GABBR2: variants seen among roughly 807,000 people sequenced by gnomAD.
GABBR2 encodes G-protein coupled receptor 51.
A neutral mutation model predicts 105.6 loss-of-function variants in GABBR2; 23 were observed. The observed-to-expected ratio is 0.22, with a 90% CI of 0.16 to 0.31. The LOEUF (loss-of-function observed/expected upper bound fraction) is 0.31, where lower values mean the gene tolerates loss of function less well. Ranked by LOEUF, GABBR2 falls within the 10% of genes least tolerant of loss-of-function variation. The probability of loss-of-function intolerance (pLI) is 1.00; values close to 1 mark genes in which losing one functional copy is unlikely to be tolerated. For synonymous variants in GABBR2, 478 were observed against 499.7 expected, an observed-to-expected ratio of 0.96 and a Z score of 0.58; for missense variants, 734 against 1,245.5, an observed-to-expected ratio of 0.59 and a Z score of 6.18.
At chr9:98,330,699 C>T (rs1230995548) in intron 13 of GABBR2, among the ~76,000 whole-genome samples, 1 of 152,188 alleles carries the variant, frequency 6.6e-6, no homozygotes. Context: ...GTTTCTTTAC[C>T]TGGAATGTCC....
In GABBR2 at chr9:98,580,155, C is replaced by G. The variant is rs1052631812; in HGVS notation, c.322-2083G>C. The stretch of plus-strand genomic sequence containing the variant: ...CAACCTCCTTCCAGTTCCCTGAAAT[C>G]AAAAGCATTTTCCTTCCCACCTCTG... On this transcript the variant is annotated intron_variant, in intron 1 of 18. Transcript: ENST00000259455. Among the ~76,000 whole-genome samples, 21 of 152,098 alleles carry G rather than the reference C, an allele frequency of 1.4e-4. 1 individual carries two copies. The highest frequency in any genetic ancestry group is 4.4e-5 in the Non-Finnish European group (3 of 68,010).
chr9:98,544,777 A>C (rs549307055), intron 2 of GABBR2, among the ~76,000 whole-genome samples: 1 of 152,210 alleles, frequency 6.6e-6, no homozygotes. Flanking sequence ...TGAAAAAAAG[A>C]ATCAGTGGCT....
chr9:98,290,795 G>A (rs1223019345), intron 18 of GABBR2, 46 bp from the exon 19 acceptor site: 20 of 1,364,378 alleles, frequency 1.5e-5, no homozygotes, highest in African/African-American at 7.7e-5. Context: ...GTAGCTGGGC[G>A]CTTACCAGAA....
intron 1 of GABBR2, among the ~76,000 whole-genome samples, chr9:98,665,781 T>C (rs1830325786): frequency 6.6e-6 from 1 of 152,188 alleles, no homozygotes; most frequent in Non-Finnish European, 1.5e-5. Flanking sequence ...TTGCTGAACG[T>C]CCAACCTGCC....
At position 98,597,131 on chromosome 9, in the gene GABBR2, G is replaced by A. The variant is rs372479405; in HGVS notation, c.322-19059C>T. Among the ~76,000 whole-genome samples, 74 of 152,288 alleles carry A rather than the reference G, an allele frequency of 4.9e-4. 4 individuals carry two copies. The South Asian group carries it at 0.015, about 32-fold the overall frequency. ...GCACTGCATTGTGAACCCAAGTGGTGCAGCTTATCTGAGATCTGCAGGCCC... is the reference window on the plus strand; with the variant it reads ...GCACTGCATTGTGAACCCAAGTGGTACAGCTTATCTGAGATCTGCAGGCCC... On this transcript the variant is annotated intron_variant, in intron 1 of 18. Coordinates refer to ENST00000259455, the MANE Select transcript of GABBR2 (RefSeq NM_005458.8).
chr9:98,647,156 T>C (rs1402329685), intron 1 of GABBR2, among the ~76,000 whole-genome samples: 1 of 152,208 alleles, frequency 6.6e-6, no homozygotes, highest in African/African-American at 2.4e-5. Flanking sequence ...GCTAGAGGAC[T>C]AGGCACAGTC....
At chr9:98,455,841 G>A (rs1296195428) in intron 6 of GABBR2, among the ~76,000 whole-genome samples, 1 of 152,192 alleles carries the variant, frequency 6.6e-6, no homozygotes, top group Non-Finnish European at 1.5e-5. Context: ...GAACCTTGCA[G>A]GCAATGAATT....
intron 6 of GABBR2, among the ~76,000 whole-genome samples, chr9:98,455,234 A>G (rs1291285664): frequency 2.6e-5 from 4 of 152,238 alleles, no homozygotes; most frequent in African/African-American, 7.2e-5. Flanking sequence ...TGTGGCCACA[A>G]AGTAACGAAA....
At chr9:98,634,681 T>C (rs1188932465) in intron 1 of GABBR2, among the ~76,000 whole-genome samples, 2 of 152,186 alleles carry the variant, frequency 1.3e-5, no homozygotes, top group African/African-American at 2.4e-5. Context: ...TAAATTTCTA[T>C]TGTTTTAAGC....
chr9:98,627,270 G>A (rs570451336), intron 1 of GABBR2, among the ~76,000 whole-genome samples: 1 of 152,238 alleles, frequency 6.6e-6, no homozygotes, highest in East Asian at 1.9e-4. Flanking sequence ...GCAAGCTGTG[G>A]CCCTCTCCAT....
intron 1 of GABBR2, among the ~76,000 whole-genome samples, chr9:98,581,671 C>T (rs1829005892): frequency 6.6e-6 from 1 of 151,886 alleles, no homozygotes; most frequent in African/African-American, 2.4e-5. Context: ...ATTGTTTCTA[C>T]CATGATTTTT....
At chr9:98,477,503 G>T (rs2131637722) in intron 5 of GABBR2, among the ~76,000 whole-genome samples, 1 of 152,310 alleles carries the variant, frequency 6.6e-6, no homozygotes, top group African/African-American at 2.4e-5. Context: ...CTCCCAAAGT[G>T]TTGGGATCAC....
intron 7 of GABBR2, among the ~76,000 whole-genome samples, chr9:98,423,346 T>C (rs1832818160): frequency 6.6e-6 from 1 of 152,256 alleles, no homozygotes; most frequent in Non-Finnish European, 1.5e-5. Flanking sequence ...TGATTTGCAT[T>C]TCTCTGATGG....
chr9:98,393,521 G>A (rs903181343), intron 9 of GABBR2, among the ~76,000 whole-genome samples: 3 of 145,074 alleles, frequency 2.1e-5, no homozygotes, highest in Non-Finnish European at 4.5e-5. Context: ...CCATCCACTT[G>A]ATCAATTCAT....
At chr9:98,575,909 G>A (rs190807179) in intron 2 of GABBR2, among the ~76,000 whole-genome samples, 5 of 152,268 alleles carry the variant, frequency 3.3e-5, no homozygotes, top group East Asian at 1.9e-4. Flanking sequence ...GCTTTTGCAC[G>A]CCCAGTTTCC....
At chr9:98,568,304 G>T (rs1473867910) in intron 2 of GABBR2, among the ~76,000 whole-genome samples, 2 of 125,598 alleles carry the variant, frequency 1.6e-5, no homozygotes, top group Admixed American at 1.5e-4. Flanking sequence ...ACAGTCAAAT[G>T]GGGGGGCAGA....
At chr9:98,606,945 T>C (rs1829432163) in intron 1 of GABBR2, 2 of 714,352 alleles carry the variant, frequency 2.8e-6, no homozygotes, top group African/African-American at 1.7e-5. Flanking sequence ...TTCTTCCTGC[T>C]TGCCCGCGGC....
intron 1 of GABBR2, among the ~76,000 whole-genome samples, chr9:98,581,471 GAGAAAGGAAGGA>G (rs1829002501): frequency 7.2e-6 from 1 of 138,286 alleles, no homozygotes; most frequent in Admixed American, 7.5e-5. Context: ...GAAAGAAAGA[GAGAAAGGAAGGA>G]GGAAAGGAAG....
intron 1 of GABBR2, among the ~76,000 whole-genome samples, chr9:98,651,095 T>G (rs1261989423): frequency 6.6e-6 from 1 of 151,736 alleles, no homozygotes; most frequent in African/African-American, 2.4e-5. Context: ...GTATATTTTA[T>G]CAAGATTATA....
Sources: allele counts gnomAD v4.1 joint callset (sites outside exome capture counted in the v4.1 genomes callset), GRCh38; gene constraint gnomAD v4.1.1; transcripts MANE v1.5; gene names NCBI Gene and HGNC (gene_info 2026-07-23, HGNC 2026-07-21).